The following WDPCP variants were observed in gnomAD, a reference collection of about 807,000 sequenced individuals.
WDPCP encodes the protein WD repeat containing planar cell polarity effector.
WDPCP carries 71 observed loss-of-function variants against 93.1 expected under a neutral mutation model. That is an observed-to-expected ratio of 0.76 (90% confidence interval 0.63 to 0.93). The LOEUF (loss-of-function observed/expected upper bound fraction) is 0.93. Ranked by LOEUF, WDPCP falls within the 40% of genes least tolerant of loss-of-function variation. The pLI, the probability that WDPCP is intolerant of heterozygous loss-of-function variation, is 0.00. For missense variants in WDPCP, 844 were observed against 887.4 expected (o/e 0.95, Z 0.62); for synonymous variants, 315 against 315.0 (o/e 1.00, Z 0.00).
intron 1 of WDPCP, among the ~76,000 whole-genome samples, chr2:63,556,044 C>G (rs1706091630): frequency 6.6e-6 from 1 of 152,180 alleles, no homozygotes; most frequent in African/African-American, 2.4e-5. Flanking sequence ...TAATAACAAA[C>G]TTCTCTAAGC....
chr2:63,596,446 G>C (rs552254002), intron 3 of WDPCP, among the ~76,000 whole-genome samples: 1 of 152,144 alleles, frequency 6.6e-6, no homozygotes, highest in African/African-American at 2.4e-5. Flanking sequence ...AATCAGCTTT[G>C]CTGCTTTTTC....
chr2:63,738,393 T>TTTTTTTTTTTTTTTTTTTTTTTTGA (rs1553453624), intron 2 of WDPCP, among the ~76,000 whole-genome samples: 7 of 151,130 alleles, frequency 4.6e-5, no homozygotes, highest in South Asian at 2.1e-4. Context: ...GGGCTACTAT[T>TTTTTTTTTTTTTTTTTTTTTTTTGA]GACATTTGCT....
chr2:63,350,864 C>T (rs1689550175), intron 12 of WDPCP, among the ~76,000 whole-genome samples: 1 of 152,020 alleles, frequency 6.6e-6, no homozygotes, highest in African/African-American at 2.4e-5. Context: ...CTTTTTAGAC[C>T]TTTCCTCCCT....
chr2:63,387,308 G>A (rs1692816033), intron 10 of WDPCP, among the ~76,000 whole-genome samples: 1 of 152,016 alleles, frequency 6.6e-6, no homozygotes, highest in Admixed American at 6.6e-5. Context: ...TTTATCCCTA[G>A]ATGTAAGGTT....
At chr2:63,129,859 A>G (rs554357609) in intron 17 of WDPCP, among the ~76,000 whole-genome samples, 4 of 152,346 alleles carry the variant, frequency 2.6e-5, no homozygotes, top group East Asian at 1.9e-4. Flanking sequence ...TGCATTACTT[A>G]TAATACCTAA....
intron 13 of WDPCP, among the ~76,000 whole-genome samples, chr2:63,284,225 T>G (rs1683808062): frequency 6.6e-6 from 1 of 152,200 alleles, no homozygotes; most frequent in South Asian, 2.1e-4. Context: ...ACACTATCCA[T>G]GAAGTGGTAT....
chr2:63,676,753 G>C lies in WDPCP; in HGVS notation n.309-25915C>G, dbSNP rs557814106. 2.0e-5 allele frequency among the ~76,000 whole-genome samples: 3 copies of C among 150,512 alleles called. No individual in the cohort carries two copies. In the Admixed American group the frequency reaches 2.0e-4, roughly 10 times the overall value. On this transcript the variant is annotated intron_variant and non_coding_transcript_variant, in intron 2 of 4. Transcript: ENST00000467687. ...GTATCTCATTTGTGGTGCTTTTTAGGGAGGATACAGATGTGAAAAAATTGC... is the reference window on the plus strand; with the variant it reads ...GTATCTCATTTGTGGTGCTTTTTAGCGAGGATACAGATGTGAAAAAATTGC...
chr2:63,814,314 T>C (rs1670900985), intron 1 of WDPCP, among the ~76,000 whole-genome samples: 1 of 150,982 alleles, frequency 6.6e-6, no homozygotes, highest in African/African-American at 2.4e-5. Flanking sequence ...ATCTACTCAA[T>C]GGATGATTCG....
At chr2:63,517,910 T>C (rs1041504451) in intron 1 of WDPCP, 8 of 152,318 alleles carry the variant, frequency 5.3e-5, no homozygotes, top group African/African-American at 1.9e-4. Flanking sequence ...GTTTTTGAGA[T>C]GAGTCTCCCT....
chr2:63,753,243 C>G (rs1305753672), intron 2 of WDPCP, among the ~76,000 whole-genome samples: 3 of 151,928 alleles, frequency 2.0e-5, no homozygotes, highest in Admixed American at 6.6e-5. Context: ...CTAGCCTGGC[C>G]AACATGATGA....
chr2:63,658,920 G>T (rs1355304604), intron 2 of WDPCP, among the ~76,000 whole-genome samples: 1 of 152,044 alleles, frequency 6.6e-6, no homozygotes, highest in African/African-American at 2.4e-5. Context: ...TAGGACTTTC[G>T]TCGTCTTGAT....
rs1670658085 is a variant in WDPCP at position 63,799,012 on chromosome 2, T to C, written n.308+14610A>G. Among the ~76,000 whole-genome samples the C allele has an allele frequency of 4.6e-5, 7 of 152,336 alleles. No homozygotes were observed. In the South Asian group the frequency reaches 1.4e-3, roughly 32 times the overall value. ...TCAGTGTTCCTACATCTAAGATTTA[T>C]TCATGATCTGAAATACTTTAAAAGT... On this transcript the variant is annotated intron_variant and non_coding_transcript_variant, in intron 2 of 4. Coordinates refer to the WDPCP transcript ENST00000467687.
intron 12 of WDPCP, among the ~76,000 whole-genome samples, chr2:63,322,152 G>T (rs1046821308): frequency 6.6e-6 from 1 of 151,998 alleles, no homozygotes; most frequent in Admixed American, 6.5e-5. Flanking sequence ...CTAGCTAAAG[G>T]ATTGTAAATG....
At chr2:63,755,671 G>A (rs955350335) in intron 2 of WDPCP, among the ~76,000 whole-genome samples, 14 of 152,168 alleles carry the variant, frequency 9.2e-5, no homozygotes, top group Admixed American at 2.0e-4. Context: ...CTTAAATTCT[G>A]ATAGATTGTT....
At chr2:63,680,042 A>C (rs961064156) in intron 2 of WDPCP, among the ~76,000 whole-genome samples, 3 of 152,192 alleles carry the variant, frequency 2.0e-5, no homozygotes, top group African/African-American at 7.2e-5. Flanking sequence ...TACACTGGCT[A>C]CTTCTAGGCC....
chr2:63,195,348 C>A (rs1292676808), intron 14 of WDPCP, among the ~76,000 whole-genome samples: 2 of 152,160 alleles, frequency 1.3e-5, no homozygotes, highest in African/African-American at 4.8e-5. Flanking sequence ...TTAAGCAGGT[C>A]ACGTAATCTC....
At chr2:63,240,132 CTT>C (rs1679748879) in intron 14 of WDPCP, among the ~76,000 whole-genome samples, 1 of 152,054 alleles carries the variant, frequency 6.6e-6, no homozygotes, top group African/African-American at 2.4e-5. Flanking sequence ...TTTGGCTAGT[CTT>C]TACTAGTTTA....
chr2:63,415,716 A>G (rs1695366721), intron 9 of WDPCP, among the ~76,000 whole-genome samples: 1 of 152,212 alleles, frequency 6.6e-6, no homozygotes, highest in Middle Eastern at 3.2e-3. Flanking sequence ...CCTTTATACA[A>G]TCAGAGAGAG....
chr2:63,674,761 T>C (rs943432077), intron 2 of WDPCP, among the ~76,000 whole-genome samples: 4 of 152,122 alleles, frequency 2.6e-5, no homozygotes, highest in Non-Finnish European at 5.9e-5. Context: ...ATATAATATG[T>C]GTGTTATAAA....
Sources: allele counts gnomAD v4.1 joint callset (sites outside exome capture counted in the v4.1 genomes callset), GRCh38; gene constraint gnomAD v4.1.1; transcripts MANE v1.5; gene names NCBI Gene and HGNC (gene_info 2026-07-23, HGNC 2026-07-21).